DOCK3: variants seen among roughly 807,000 people sequenced by gnomAD.
The protein encoded by DOCK3 is dedicator of cytokinesis 3.
Under a neutral mutation model 265.6 loss-of-function variants are expected in DOCK3, and 60 were observed. The observed-to-expected ratio is 0.23, with a 90% CI of 0.18 to 0.28. DOCK3 has a LOEUF of 0.28. Among genes scored for constraint, DOCK3 ranks in the 10% least tolerant of loss-of-function variants. The pLI is 1.00. For synonymous variants in DOCK3, 881 were observed against 938.0 expected (o/e 0.94, Z 1.11); for missense variants, 1,981 against 2,594.3 (o/e 0.76, Z 5.14).
chr3:51,031,620 A>G (rs924515752), intron 5 of DOCK3, among the ~76,000 whole-genome samples: 2 of 152,216 alleles, frequency 1.3e-5, no homozygotes, highest in Non-Finnish European at 2.9e-5. Context: ...TGGAGGGACA[A>G]AAGCAGTATT....
At position 51,277,771 on chromosome 3, in the gene DOCK3, C is replaced by T. The variant is rs1407962896; in HGVS notation, c.2823+17C>T. ...GAGATCACTGTTAGTAACTAACATC[C>T]AGGTTTTCTTGCCTTCTTTTCTAAC... On this transcript the variant is annotated intron_variant, in intron 26 of 52. Transcript: ENST00000266037. 6.2e-7 allele frequency: 1 copy of T among 1,605,778 alleles called. No individual in the cohort carries two copies. Among genetic ancestry groups the T allele is most frequent in the African/African-American group, 1.3e-5 (1 of 74,890 alleles).
chr3:51,115,109 G>A (rs943399311), intron 9 of DOCK3, among the ~76,000 whole-genome samples: 1 of 152,102 alleles, frequency 6.6e-6, no homozygotes, highest in Non-Finnish European at 1.5e-5. Context: ...AAACATATGT[G>A]TGCATGTGTC....
intron 9 of DOCK3, among the ~76,000 whole-genome samples, chr3:51,114,590 A>G (rs1308893490): frequency 6.6e-6 from 1 of 152,206 alleles, no homozygotes; most frequent in Non-Finnish European, 1.5e-5. Flanking sequence ...ATACCTCTGT[A>G]GAAGTTTGGT....
intron 40 of DOCK3, among the ~76,000 whole-genome samples, chr3:51,352,515 A>G (rs2086066678): frequency 6.6e-6 from 1 of 152,190 alleles, no homozygotes; most frequent in South Asian, 2.1e-4. Flanking sequence ...TAACAGTCCA[A>G]ATGTTCAAAT....
intron 49 of DOCK3, among the ~76,000 whole-genome samples, chr3:51,369,827 C>G (rs2087541315): frequency 1.3e-5 from 2 of 152,144 alleles, no homozygotes; most frequent in Admixed American, 6.6e-5. Flanking sequence ...GTATTCAGAC[C>G]AAGCCCTCAT....
At chr3:50,690,122 T>C (rs2035108129) in intron 1 of DOCK3, among the ~76,000 whole-genome samples, 1 of 151,820 alleles carries the variant, frequency 6.6e-6, no homozygotes, top group African/African-American at 2.4e-5. Context: ...AACATAAAAT[T>C]TGCTATTTTT....
chr3:51,253,757 C>A (rs2108680992), intron 22 of DOCK3, among the ~76,000 whole-genome samples: 1 of 152,164 alleles, frequency 6.6e-6, no homozygotes, highest in Admixed American at 6.5e-5. Context: ...TCTCTCTTTT[C>A]TTCTTTATTA....
intron 21 of DOCK3, among the ~76,000 whole-genome samples, chr3:51,243,959 T>G (rs2078718706): frequency 6.6e-6 from 1 of 152,208 alleles, no homozygotes; most frequent in South Asian, 2.1e-4. Context: ...AGCTGTCTTT[T>G]CCCCCACTGA....
chr3:51,156,471 G>A (rs1208075071), intron 10 of DOCK3, among the ~76,000 whole-genome samples: 1 of 151,872 alleles, frequency 6.6e-6, no homozygotes, highest in Non-Finnish European at 1.5e-5. Context: ...GTAATATAAT[G>A]TAGATAACCA....
chr3:51,115,936 C>T (rs766698600), intron 9 of DOCK3, among the ~76,000 whole-genome samples: 11 of 152,008 alleles, frequency 7.2e-5, no homozygotes, highest in Non-Finnish European at 1.6e-4. Flanking sequence ...TCAAGTTTGT[C>T]AAAGATCAGA....
intron 5 of DOCK3, among the ~76,000 whole-genome samples, chr3:50,947,585 C>G (rs1229552460): frequency 6.6e-6 from 1 of 152,120 alleles, no homozygotes; most frequent in African/African-American, 2.4e-5. Context: ...CTATTCTAGG[C>G]TCCTGAACTA....
At chr3:50,798,330 G>A (rs1212964439) in intron 2 of DOCK3, among the ~76,000 whole-genome samples, 2 of 152,196 alleles carry the variant, frequency 1.3e-5, no homozygotes, top group African/African-American at 4.8e-5. Context: ...ACCAAGCACT[G>A]CCCATGATCT....
Position 51,307,616 on chromosome 3 carries a change from T to A in DOCK3, c.2923-2616T>A, listed in dbSNP as rs1354862360. On this transcript the variant is annotated intron_variant, in intron 27 of 52. Transcript: ENST00000266037. ...GCTCCAGCACTTTTCAGTTCAGCCA[T>A]AGCCTTCACTTCCTGCTTGCCCAGA... Among the ~76,000 whole-genome samples the A allele has an allele frequency of 2.0e-5, 3 of 152,126 alleles. No homozygotes were observed. The East Asian group carries it at 5.8e-4, about 29-fold the overall frequency.
chr3:51,090,198 A>T (rs200510014), intron 8 of DOCK3, 32 bp from the exon 9 acceptor site: 1 of 1,518,544 alleles, frequency 6.6e-7, no homozygotes, highest in Admixed American at 2.4e-5. Context: ...TAACTAAAAT[A>T]AAAATCACTG....
Position 51,312,456 on chromosome 3 carries a change from C to A in DOCK3, c.3094-20C>A, listed in dbSNP as rs2170177. ...TTAAGTTCTTAGACTGTCACATTTT[C>A]TCTTTCTCTGTCTGTCTAGGTGTGG... On this transcript the variant is annotated intron_variant, in intron 29 of 52. Transcript: ENST00000266037. The A allele has an allele frequency of 0.045, 72,691 of 1,604,044 alleles. 6,879 individuals are homozygous for A. Among genetic ancestry groups the A allele is most frequent in the Admixed American group, 0.32 (19,162 of 59,296 alleles).
At chr3:51,366,193 A>G (rs899741800) in intron 49 of DOCK3, among the ~76,000 whole-genome samples, 1 of 152,176 alleles carries the variant, frequency 6.6e-6, no homozygotes, top group African/African-American at 2.4e-5. Context: ...GAGGGATTCA[A>G]CTTCTTCCTG....
At chr3:51,211,123 ATAAT>A (rs1364214167) in intron 13 of DOCK3, among the ~76,000 whole-genome samples, 1 of 152,206 alleles carries the variant, frequency 6.6e-6, no homozygotes, top group African/African-American at 2.4e-5. Flanking sequence ...ATTAATTTAT[ATAAT>A]TAATCCTCAT....
intron 12 of DOCK3, among the ~76,000 whole-genome samples, chr3:51,182,906 G>A (rs73089122): frequency 6.6e-6 from 1 of 152,326 alleles, no homozygotes; most frequent in Non-Finnish European, 1.5e-5. Context: ...AATTGGTGGT[G>A]TACCTTCAGT....
In DOCK3 at chr3:51,140,934, A is replaced by G. The variant is rs184470583; in HGVS notation, c.747-5615A>G. 2.5e-3 allele frequency among the ~76,000 whole-genome samples: 388 copies of G among 152,180 alleles called. 1 individual carries two copies. Among genetic ancestry groups the G allele is most frequent in the Non-Finnish European group, 4.5e-3 (306 of 67,970 alleles). ...ATCTATTCAAGTTACCCACTTTTGA[A>G]TTGTCTTTTTATTATTGAATTTTAA... On this transcript the variant is annotated intron_variant, in intron 9 of 52. Transcript: ENST00000266037.
Sources: allele counts gnomAD v4.1 joint callset (sites outside exome capture counted in the v4.1 genomes callset), GRCh38; gene constraint gnomAD v4.1.1; transcripts MANE v1.5; gene names NCBI Gene and HGNC (gene_info 2026-07-23, HGNC 2026-07-21).